SLC24A1: variants seen among roughly 807,000 people sequenced by gnomAD.
The protein encoded by SLC24A1 is sodium/potassium/calcium exchanger 1.
SLC24A1 carries 52 observed loss-of-function variants against 88.1 expected under a neutral mutation model. The observed-to-expected ratio is 0.59, with a 90% CI of 0.47 to 0.74. The LOEUF (loss-of-function observed/expected upper bound fraction) is 0.74, where lower values mean the gene tolerates loss of function less well. Among genes scored for constraint, SLC24A1 ranks in the 30% least tolerant of loss-of-function variants. The pLI, the probability that SLC24A1 is intolerant of heterozygous loss-of-function variation, is 0.00. For synonymous variants in SLC24A1, 455 were observed against 498.0 expected, an observed-to-expected ratio of 0.91 and a Z score of 1.15; for missense variants, 1,173 against 1,363.3, an observed-to-expected ratio of 0.86 and a Z score of 2.20.
chr15:65,642,341 C>T (rs531166723), intron 4 of SLC24A1, among the ~76,000 whole-genome samples: 1 of 152,176 alleles, frequency 6.6e-6, no homozygotes, highest in Non-Finnish European at 1.5e-5. Context: ...GGCTTATCCT[C>T]TCCAGGGTCC....
chr15:65,657,361 G>A (rs1596363612), downstream of SLC24A1, among the ~76,000 whole-genome samples: 1 of 152,324 alleles, frequency 6.6e-6, no homozygotes, highest in Non-Finnish European at 1.5e-5. Context: ...CAGGAAAAGG[G>A]CCGGGCGCGG....
At position 65,625,455 on chromosome 15, in the gene SLC24A1, G is replaced by A. The variant is rs769995522; in HGVS notation, c.1375G>A (p.Val459Ile). 2.9e-5 allele frequency: 47 copies of A among 1,614,066 alleles called. No individual in the cohort carries two copies. The highest frequency in any genetic ancestry group is 3.3e-4 in the Middle Eastern group (2 of 6,062). The change falls in exon 2 of 10, where the codon GTT (valine) becomes ATT (isoleucine). Residue 459 changes from valine to isoleucine, a missense_variant. By Grantham distance (29) the Val-to-Ile change is conservative. Transcript: ENST00000261892. ...GCGGCAGGGCTGGGTGGTCCTGCAC[G>A]TTTTTGGCATGATGTATGTGTTTGT... ...ERRQGWVVLH[V>I]FGMMYVFVAL...
intron 2 of SLC24A1, among the ~76,000 whole-genome samples, chr15:65,616,166 G>A (rs1357400046): frequency 6.6e-6 from 1 of 151,934 alleles, no homozygotes; most frequent in East Asian, 1.9e-4. Flanking sequence ...CTTTGCTATT[G>A]TGAATAGTGC....
chr15:65,618,030 G>A (rs1485719288), upstream of SLC24A1, among the ~76,000 whole-genome samples: 1 of 152,158 alleles, frequency 6.6e-6, no homozygotes, highest in Non-Finnish European at 1.5e-5. Context: ...CAAAATAGAT[G>A]AAGTGAAAAA....
upstream of SLC24A1, among the ~76,000 whole-genome samples, chr15:65,617,252 C>A (rs2074176535): frequency 6.6e-6 from 1 of 152,086 alleles, no homozygotes; most frequent in East Asian, 1.9e-4. Flanking sequence ...TAGTTTTTTC[C>A]AATTCTGTGA....
At chr15:65,621,435 T>C (rs963732473), upstream of SLC24A1, among the ~76,000 whole-genome samples, 1 of 152,236 alleles carries the variant, frequency 6.6e-6, no homozygotes, top group African/African-American at 2.4e-5. Context: ...ATAAAATAGA[T>C]TTCAGGTATG....
downstream of SLC24A1, among the ~76,000 whole-genome samples, chr15:65,656,853 G>A (rs756940981): frequency 1.2e-4 from 19 of 152,176 alleles, no homozygotes; most frequent in South Asian, 2.1e-4. Flanking sequence ...CAAACTATGT[G>A]TTTAAATGTT....
At chr15:65,632,490 A>C (rs746326714) in intron 2 of SLC24A1, among the ~76,000 whole-genome samples, 3 of 152,104 alleles carry the variant, frequency 2.0e-5, no homozygotes, top group Non-Finnish European at 2.9e-5. Flanking sequence ...TGTATCTGGG[A>C]GGCAGTGGCA....
At chr15:65,653,017 G>T in intron 9 of SLC24A1, 1 of 400,450 alleles carries the variant, frequency 2.5e-6, no homozygotes. Flanking sequence ...AAATGTAACT[G>T]ACTGGAATTT....
At position 65,654,209 on chromosome 15, in the gene SLC24A1, T is replaced by G; in HGVS notation, c.*130T>G. 1 of 1,463,282 alleles carries G rather than the reference T, an allele frequency of 6.8e-7. No individual in the cohort carries two copies. Among genetic ancestry groups the G allele is most frequent in the Non-Finnish European group, 9.0e-7 (1 of 1,112,602 alleles). 90.6% of individuals were successfully genotyped at this position (1,463,282 alleles called of 1,614,324 possible). A position where few individuals can be genotyped will look rare whatever the true frequency, so the allele number is the denominator to read the frequency against. On this transcript the variant is annotated 3_prime_UTR_variant, in exon 10 of 10. Coordinates refer to ENST00000261892, the MANE Select transcript of SLC24A1 (RefSeq NM_004727.3). ...ACTGGGTGACCTAGGACCTCTGATA[T>G]GAATGTGATCTGAGACTAAAGTTTG...
At chr15:65,623,847 T>C (rs2074404755) in intron 1 of SLC24A1, 108 bp from the exon 2 acceptor site, 1 of 479,164 alleles carries the variant, frequency 2.1e-6, no homozygotes, top group Non-Finnish European at 3.6e-6. Context: ...CCATGCATGA[T>C]ACTTTTGTGT....
rs765076828 is a variant in SLC24A1, at chr15:65,625,153, A to C, written c.1073A>C (p.Lys358Thr). ...CCCAGGACCAGTGTATCAGCCATCAAAACAGCCCCAGCCATAGTCTGGAGG... is the reference window on the plus strand; with the variant it reads ...CCCAGGACCAGTGTATCAGCCATCACAACAGCCCCAGCCATAGTCTGGAGG... Reference protein sequence around the residue: ...PSPRTSVSAIKTAPAIVWRLA... With the variant: ...PSPRTSVSAITTAPAIVWRLA... Residue 358 changes from lysine to threonine, a missense_variant, in exon 2 of 10, where the codon AAA (lysine) becomes ACA (threonine). Transcript: ENST00000261892. 1.2e-6 allele frequency: 2 copies of C among 1,613,826 alleles called. No individual in the cohort carries two copies. Among genetic ancestry groups the C allele is most frequent in the South Asian group, 1.1e-5 (1 of 91,080 alleles).
At chr15:65,639,880 A>G (rs539752121) in intron 4 of SLC24A1, among the ~76,000 whole-genome samples, 177 bp downstream of exon 4, 15 of 152,242 alleles carry the variant, frequency 9.9e-5, no homozygotes, top group African/African-American at 3.6e-4. Context: ...AGAGACCAAG[A>G]CAGGGGACTC....
rs201810804 is a variant in SLC24A1 at position 65,652,675 on chromosome 15, A to G, written c.2917A>G (p.Met973Val). 5.6e-5 allele frequency: 90 copies of G among 1,613,922 alleles called. 1 individual carries two copies. Among genetic ancestry groups the G allele is most frequent in the Non-Finnish European group, 6.8e-5 (80 of 1,179,900 alleles). The part of the protein sequence containing the change: ...GETIGISEEI[M>V]GLTILAAGTS... ...AACAATAGGGATTTCTGAAGAGATCATGGGCCTGACAATCCTTGCAGCAGG... is the reference window on the plus strand; with the variant it reads ...AACAATAGGGATTTCTGAAGAGATCGTGGGCCTGACAATCCTTGCAGCAGG... The change falls in exon 9 of 10, where the codon ATG becomes GTG. Residue 973 changes from methionine (M) to valine (V), a missense_variant. Coordinates refer to ENST00000261892, the MANE Select transcript of SLC24A1 (RefSeq NM_004727.3).
rs1555407503 is a variant in SLC24A1, at chr15:65,651,694, A to G, written c.2818A>G (p.Thr940Ala). 1.2e-6 allele frequency: 2 copies of G among 1,608,498 alleles called. No individual in the cohort carries two copies. The highest frequency in any genetic ancestry group is 4.5e-5 in the East Asian group (2 of 44,838). ...GGAGTCTAGGAAGTTTTTTGTTTTCACCTTCCTGGGATCTATCATGTGGAT... is the reference window on the plus strand; with the variant it reads ...GGAGTCTAGGAAGTTTTTTGTTTTCGCCTTCCTGGGATCTATCATGTGGAT... ...RQESRKFFVFTFLGSIMWIAM... is the reference protein window; with the variant it reads ...RQESRKFFVFAFLGSIMWIAM... Residue 940 changes from threonine (T) to alanine (A), a missense_variant, in exon 8 of 10, where the codon ACC becomes GCC. Thr to Ala is a moderately conservative substitution (Grantham distance 58). Transcript: ENST00000261892.
chr15:65,650,898 A>T lies in SLC24A1; in HGVS notation c.2749A>T (p.Ile917Phe), dbSNP rs375361152. 1 of 1,613,870 alleles carries T rather than the reference A, an allele frequency of 6.2e-7. No individual in the cohort carries two copies. The highest frequency in any genetic ancestry group is 1.3e-5 in the African/African-American group (1 of 74,918). ...GGCCATTTACCTCTTCCTTCTGCCC[A>T]TCGTGTTCCCACTGTGGCTGACAGT... Reference protein sequence around the residue: ...KQAIYLFLLPIVFPLWLTVPD... With the variant: ...KQAIYLFLLPFVFPLWLTVPD... Residue 917 changes from isoleucine (I) to phenylalanine (F), a missense_variant, in exon 7 of 10, where the codon ATC becomes TTC. Ile to Phe is a conservative substitution (Grantham distance 21). Coordinates refer to ENST00000261892, the MANE Select transcript of SLC24A1 (RefSeq NM_004727.3). The surrounding 1 kb of genome is among the most constrained non-coding windows in gnomAD (Gnocchi z 4.1).
intron 9 of SLC24A1, 34 bp from the exon 10 acceptor site, chr15:65,653,796 T>G (rs1419003476): frequency 1.1e-5 from 17 of 1,607,392 alleles, no homozygotes; most frequent in Non-Finnish European, 1.4e-5. Flanking sequence ...TTATAAACAT[T>G]AAGGATATTC....
chr15:65,620,657 G>A (rs2074290677), upstream of SLC24A1, among the ~76,000 whole-genome samples: 1 of 152,196 alleles, frequency 6.6e-6, no homozygotes, highest in Non-Finnish European at 1.5e-5. Context: ...ACACCAGGAA[G>A]AACTCCTTGG....
At chr15:65,627,742 T>G (rs879577638) in intron 2 of SLC24A1, among the ~76,000 whole-genome samples, 1 of 152,232 alleles carries the variant, frequency 6.6e-6, no homozygotes, top group African/African-American at 2.4e-5. Context: ...TGCCTCTGAC[T>G]TGCTTCCTAG....
Sources: allele counts gnomAD v4.1 joint callset (sites outside exome capture counted in the v4.1 genomes callset), GRCh38; gene constraint gnomAD v4.1.1; non-coding constraint Gnocchi (gnomAD v3.1); transcripts MANE v1.5; gene names NCBI Gene and HGNC (gene_info 2026-07-23, HGNC 2026-07-21).